The following ADAMTS12 variants were observed in gnomAD, a reference collection of about 807,000 sequenced individuals.
ADAMTS12 encodes ADAM metallopeptidase with thrombospondin type 1 motif 12.
Under a neutral mutation model 167.8 loss-of-function variants are expected in ADAMTS12, and 118 were observed. The observed-to-expected ratio is 0.70, with a 90% CI of 0.61 to 0.82. The LOEUF (loss-of-function observed/expected upper bound fraction) is 0.82, where lower values mean the gene tolerates loss of function less well. ADAMTS12 is among the 40% of genes least tolerant of loss of function. The pLI, the probability that ADAMTS12 is intolerant of heterozygous loss-of-function variation, is 0.00. For missense variants in ADAMTS12, 1,916 were observed against 1,998.8 expected (o/e 0.96, Z 0.79); for synonymous variants, 704 against 716.9 (o/e 0.98, Z 0.29).
intron 3 of ADAMTS12, among the ~76,000 whole-genome samples, chr5:33,688,424 G>C (rs143960991): frequency 3.2e-5 from 3 of 92,908 alleles, no homozygotes; most frequent in Non-Finnish European, 7.0e-5. Flanking sequence ...AGGTGCTCAG[G>C]ATACCTGACC....
At chr5:33,655,653 A>AATTTAATTTC (rs1741032202) in intron 7 of ADAMTS12, among the ~76,000 whole-genome samples, 1 of 150,584 alleles carries the variant, frequency 6.6e-6, no homozygotes, top group East Asian at 2.0e-4. Flanking sequence ...AATTTAATTT[A>AATTTAATTTC]ATTTTACTTT....
chr5:33,585,396 C>T (rs1747295994), intron 18 of ADAMTS12, among the ~76,000 whole-genome samples: 1 of 152,142 alleles, frequency 6.6e-6, no homozygotes, highest in African/African-American at 2.4e-5. Context: ...TCTAGTTCAC[C>T]ACTTCAATGT....
chr5:33,773,163 G>A (rs1387288999), intron 2 of ADAMTS12, among the ~76,000 whole-genome samples: 1 of 152,170 alleles, frequency 6.6e-6, no homozygotes, highest in South Asian at 2.1e-4. Flanking sequence ...TGCAACTGCT[G>A]CTTATCTTTT....
At chr5:33,650,421 G>A (rs886800231) in intron 7 of ADAMTS12, among the ~76,000 whole-genome samples, 1 of 152,168 alleles carries the variant, frequency 6.6e-6, no homozygotes, top group East Asian at 1.9e-4. Context: ...GCTTCACCAA[G>A]GATAGAATTT....
At chr5:33,653,957 A>T (rs1474652444) in intron 7 of ADAMTS12, among the ~76,000 whole-genome samples, 1 of 152,046 alleles carries the variant, frequency 6.6e-6, no homozygotes, top group Non-Finnish European at 1.5e-5. Context: ...ATCTTTTGTT[A>T]TATTCTCACG....
At chr5:33,530,645 G>A (rs571542894) in intron 23 of ADAMTS12, among the ~76,000 whole-genome samples, 12 of 152,176 alleles carry the variant, frequency 7.9e-5, no homozygotes, top group Non-Finnish European at 1.0e-4. Flanking sequence ...GACAGCAACC[G>A]TTCCACAAAG....
chr5:33,715,781 G>A (rs1047901234), intron 3 of ADAMTS12, among the ~76,000 whole-genome samples: 17 of 152,066 alleles, frequency 1.1e-4, no homozygotes, highest in African/African-American at 4.1e-4. Flanking sequence ...AATCACACAA[G>A]GAACTATTTT....
chr5:33,699,476 T>C (rs1402842135), intron 3 of ADAMTS12, among the ~76,000 whole-genome samples: 1 of 151,952 alleles, frequency 6.6e-6, no homozygotes, highest in Non-Finnish European at 1.5e-5. Context: ...TAGAATAAAA[T>C]ATACGAGAAA....
intron 2 of ADAMTS12, among the ~76,000 whole-genome samples, chr5:33,821,735 C>T (rs1480537264): frequency 6.6e-6 from 1 of 152,182 alleles, no homozygotes; most frequent in African/African-American, 2.4e-5. Context: ...CTCCAAGTCA[C>T]ATTTTTATCA....
intron 2 of ADAMTS12, among the ~76,000 whole-genome samples, chr5:33,761,453 T>C (rs968856258): frequency 5.3e-5 from 8 of 152,200 alleles, no homozygotes; most frequent in African/African-American, 1.7e-4. Flanking sequence ...GTGATGGACA[T>C]AGGCTAATCA....
intron 21 of ADAMTS12, among the ~76,000 whole-genome samples, chr5:33,548,867 C>T (rs961119595): frequency 6.6e-6 from 1 of 152,210 alleles, no homozygotes; most frequent in African/African-American, 2.4e-5. Context: ...GTAAGTGGCT[C>T]TCATCAGATT....
chr5:33,858,556 G>A (rs947223750), intron 2 of ADAMTS12, among the ~76,000 whole-genome samples: 2 of 151,938 alleles, frequency 1.3e-5, no homozygotes, highest in Non-Finnish European at 2.9e-5. Flanking sequence ...AACTTGGAAG[G>A]CTGAGGTGGG....
At chr5:33,830,732 C>T (rs2111554440) in intron 2 of ADAMTS12, among the ~76,000 whole-genome samples, 1 of 152,174 alleles carries the variant, frequency 6.6e-6, no homozygotes, top group South Asian at 2.1e-4. Flanking sequence ...GTCAAGGCTG[C>T]AGTGAGCCAT....
At chr5:33,700,792 C>T (rs1010149952) in intron 3 of ADAMTS12, among the ~76,000 whole-genome samples, 17 of 152,112 alleles carry the variant, frequency 1.1e-4, no homozygotes, top group African/African-American at 4.1e-4. Context: ...TAAGCGAGAC[C>T]GGGTGAGGGG....
intron 5 of ADAMTS12, among the ~76,000 whole-genome samples, chr5:33,669,837 T>C (rs1741607863): frequency 6.6e-6 from 1 of 151,754 alleles, no homozygotes; most frequent in Non-Finnish European, 1.5e-5. Context: ...CTAAACCTCA[T>C]AGCTGGTACA....
intron 2 of ADAMTS12, among the ~76,000 whole-genome samples, chr5:33,767,123 A>C (rs552785644): frequency 5.3e-5 from 8 of 152,200 alleles, no homozygotes; most frequent in Non-Finnish European, 1.0e-4. Context: ...AATGTGTTAC[A>C]TTTTTAACGA....
intron 2 of ADAMTS12, among the ~76,000 whole-genome samples, chr5:33,801,158 C>G (rs1280580503): frequency 3.3e-5 from 5 of 152,168 alleles, no homozygotes; most frequent in African/African-American, 4.8e-5. Context: ...GTCTTGCTAA[C>G]CCCTTGATTT....
chr5:33,812,696 C>A (rs1747505839), intron 2 of ADAMTS12, among the ~76,000 whole-genome samples: 1 of 152,208 alleles, frequency 6.6e-6, no homozygotes, highest in Non-Finnish European at 1.5e-5. Context: ...TTAAATATAA[C>A]AATGGTTCAT....
Position 33,649,691 on chromosome 5 carries a change from G to C in ADAMTS12, c.1197C>G (p.Gly399=). The change falls in exon 8 of 24, where the codon GGC becomes GGG. Residue 399 remains glycine (G), a synonymous_variant. Transcript: ENST00000504830. ...CATTTTCTTTCCCATCATGCTGGATGCCGAAGCTGGCAGGGAAGAACCAAG... is the reference window on the plus strand; with the variant it reads ...CATTTTCTTTCCCATCATGCTGGATCCCGAAGCTGGCAGGGAAGAACCAAG... ...TIAHELGHSF[G]IQHDGKENDC... 1 of 1,613,708 alleles carries C rather than the reference G, an allele frequency of 6.2e-7. No homozygotes were observed. The highest frequency in any genetic ancestry group is 8.5e-7 in the Non-Finnish European group (1 of 1,179,788).
Sources: allele counts gnomAD v4.1 joint callset (sites outside exome capture counted in the v4.1 genomes callset), GRCh38; gene constraint gnomAD v4.1.1; transcripts MANE v1.5; gene names NCBI Gene and HGNC (gene_info 2026-07-23, HGNC 2026-07-21).